The following DLG5 variants were observed in gnomAD, a reference collection of about 807,000 sequenced individuals.
The protein encoded by DLG5 is discs large MAGUK scaffold protein 5, also known as disks large homolog 5.
A neutral mutation model predicts 189.8 loss-of-function variants in DLG5; 48 were observed. The ratio of observed to expected loss-of-function variants is 0.25; its 90% CI spans 0.20 to 0.32. The LOEUF (loss-of-function observed/expected upper bound fraction) is 0.32. Ranked by LOEUF, DLG5 falls within the 10% of genes least tolerant of loss-of-function variation. The pLI is 1.00. For missense variants in DLG5, 2,160 were observed against 2,544.7 expected (o/e 0.85, Z 3.25); for synonymous variants, 1,016 against 1,054.1 (o/e 0.96, Z 0.70).
chr10:77,927,021 C>G, upstream of DLG5: 2 of 325,228 alleles, frequency 6.1e-6, no homozygotes, highest in South Asian at 4.4e-5. Flanking sequence ...GAGGCCGCCT[C>G]GGCCCCCGTG....
the DLG5 span, among the ~76,000 whole-genome samples, chr10:77,938,112 T>C: frequency 6.6e-6 from 1 of 152,058 alleles, no homozygotes; most frequent in Non-Finnish European, 1.5e-5. Context: ...CACCTCTATA[T>C]CCCCAGTATC....
rs1410660037 is a variant in DLG5, at chr10:77,926,327, C to G, written c.194G>C (p.Arg65Pro). The G allele has an allele frequency of 4.4e-6, 7 of 1,604,152 alleles. No individual in the cohort carries two copies. The highest frequency in any genetic ancestry group is 5.9e-6 in the Non-Finnish European group (7 of 1,176,528). ...LLLKLLLAKERDHFQDLRAAL... is the reference protein window; with the variant it reads ...LLLKLLLAKEPDHFQDLRAAL... ...CGCCCGCAGGTCCTGGAAGTGGTCC[C>G]GCTCCTTGGCCAAGAGCAGCTTGAG... The change falls in exon 1 of 32, where the codon CGG becomes CCG. Residue 65 changes from arginine (R) to proline (P), a missense_variant. Physicochemically the swap from Arg to Pro is moderately radical, Grantham distance 103. This residue lies in a region of DLG5 where 664 missense variants were observed against 838.5 expected (regional missense o/e 0.79). Transcript: ENST00000372391. This position sits in a 1 kb window ranked among gnomAD's most constrained non-coding sequence, Gnocchi z 5.2.
intron 2 of DLG5, among the ~76,000 whole-genome samples, chr10:77,865,845 G>C (rs904958986): frequency 2.0e-5 from 3 of 152,172 alleles, no homozygotes; most frequent in Non-Finnish European, 4.4e-5. Flanking sequence ...GTGGCGAGTT[G>C]TGAGTAGGGC....
chr10:77,905,238 C>T (rs1441520614), intron 1 of DLG5, among the ~76,000 whole-genome samples: 2 of 151,998 alleles, frequency 1.3e-5, no homozygotes, highest in African/African-American at 4.8e-5. Context: ...TGGGCTCAAT[C>T]GATCCTCCCA....
At chr10:77,905,126 T>C (rs182286495) in intron 1 of DLG5, among the ~76,000 whole-genome samples, 1 of 146,522 alleles carries the variant, frequency 6.8e-6, no homozygotes, top group Non-Finnish European at 1.5e-5. Flanking sequence ...CGAGACTTCA[T>C]CTCAAAAAAA....
the DLG5 span, among the ~76,000 whole-genome samples, chr10:77,932,946 C>A: frequency 6.6e-6 from 1 of 152,144 alleles, no homozygotes; most frequent in Non-Finnish European, 1.5e-5. Context: ...AAAATATGTT[C>A]TTTGGGTAAT....
chr10:77,844,917 T>C (rs973523893), intron 5 of DLG5, among the ~76,000 whole-genome samples: 1 of 151,702 alleles, frequency 6.6e-6, no homozygotes, highest in Non-Finnish European at 1.5e-5. Flanking sequence ...AGGCGTGTTC[T>C]AGAGACAGAG....
chr10:77,867,099 T>A (rs770846145), intron 2 of DLG5: 2 of 456,626 alleles, frequency 4.4e-6, no homozygotes, highest in South Asian at 3.1e-5. Context: ...AAGGACTGAG[T>A]CAGCTTCAGG....
At chr10:77,870,930 G>A (rs1391110116) in intron 1 of DLG5, among the ~76,000 whole-genome samples, 2 of 152,000 alleles carry the variant, frequency 1.3e-5, no homozygotes, top group Non-Finnish European at 2.9e-5. Context: ...GCAGGCAGGC[G>A]AGCTAGCAGG....
chr10:77,905,525 C>T (rs1846048745), intron 1 of DLG5, among the ~76,000 whole-genome samples: 1 of 152,204 alleles, frequency 6.6e-6, no homozygotes, highest in African/African-American at 2.4e-5. Flanking sequence ...GTTAAAAACA[C>T]CCTTGTCCCT....
intron 1 of DLG5, among the ~76,000 whole-genome samples, chr10:77,902,951 G>C (rs372017423): frequency 2.6e-5 from 4 of 151,694 alleles, no homozygotes; most frequent in African/African-American, 9.7e-5. Context: ...GCGAGACTCC[G>C]TCTCAAAAAA....
chr10:77,871,438 C>T (rs1358857253), intron 1 of DLG5, among the ~76,000 whole-genome samples: 1 of 151,976 alleles, frequency 6.6e-6, no homozygotes, highest in African/African-American at 2.4e-5. Flanking sequence ...ATAACCCATG[C>T]TCCACCTCCC....
Position 77,819,984 on chromosome 10 carries a change from G to A in DLG5, c.3437C>T (p.Ser1146Phe). 1 of 1,613,534 alleles carries A rather than the reference G, an allele frequency of 6.2e-7. No homozygotes were observed. Among genetic ancestry groups the A allele is most frequent in the African/African-American group, 1.3e-5 (1 of 75,038 alleles). The change falls in exon 16 of 32, where the codon TCC (serine) becomes TTC (phenylalanine). Residue 1146 changes from serine (S) to phenylalanine (F), a missense_variant. By Grantham distance (155) the Ser-to-Phe change is radical. Coordinates refer to ENST00000372391, the MANE Select transcript of DLG5 (RefSeq NM_004747.4). ...QKCVPASGEL[S>F]PELQEWAPYS... is the part of the protein sequence containing the mutation. Reference sequence around the variant, plus strand: ...AGGTGCCCACTCCTGGAGCTCCGGGGAGAGTTCTCCACTGGCCGGGACACA... The same window carrying A: ...AGGTGCCCACTCCTGGAGCTCCGGGAAGAGTTCTCCACTGGCCGGGACACA...
chr10:77,794,823 C>A, intron 30 of DLG5, 26 bp downstream of exon 30: 6 of 1,585,678 alleles, frequency 3.8e-6, no homozygotes, highest in Non-Finnish European at 5.2e-6. Context: ...AAGGCCCCAG[C>A]GGAGCCCAGG....
chr10:77,864,700 C>T (rs1301980913), intron 2 of DLG5, among the ~76,000 whole-genome samples: 1 of 152,242 alleles, frequency 6.6e-6, no homozygotes, highest in Non-Finnish European at 1.5e-5. Context: ...ACCAAAGTTG[C>T]ATTTGCATAT....
At chr10:77,913,017 C>T (rs574634399) in intron 1 of DLG5, among the ~76,000 whole-genome samples, 2 of 152,126 alleles carry the variant, frequency 1.3e-5, no homozygotes, top group African/African-American at 2.4e-5. Flanking sequence ...GTGCCTCTCT[C>T]GTCTAATTTA....
At chr10:77,829,051 T>C in intron 12 of DLG5, 66 bp from the exon 13 acceptor site, 1 of 1,501,202 alleles carries the variant, frequency 6.7e-7, no homozygotes, top group Non-Finnish European at 9.2e-7. Context: ...TCACCCTACC[T>C]CATCTTTGTT....
chr10:77,922,222 G>C (rs1846555593), intron 1 of DLG5, among the ~76,000 whole-genome samples: 1 of 152,126 alleles, frequency 6.6e-6, no homozygotes, highest in Non-Finnish European at 1.5e-5. Flanking sequence ...AGGCAGTGCA[G>C]CACCATTAGC....
At chr10:77,906,067 A>G (rs966093084) in intron 1 of DLG5, among the ~76,000 whole-genome samples, 2 of 152,216 alleles carry the variant, frequency 1.3e-5, no homozygotes, top group Non-Finnish European at 2.9e-5. Context: ...AGGAATGGAC[A>G]TCCAGCTCTA....
Sources: gnomAD v4.1 joint callset for allele counts (sites outside exome capture counted in the v4.1 genomes callset) on GRCh38, gnomAD v4.1.1 for gene constraint, gnomAD v4.1.1 regional missense constraint, Gnocchi (gnomAD v3.1) non-coding constraint, MANE v1.5 for transcripts, NCBI Gene and HGNC (gene_info 2026-07-23, HGNC 2026-07-21) for gene names.